Variants in SOX5 observed in about 807,000 individuals in gnomAD.
The protein encoded by SOX5 is transcription factor SOX-5.
In SOX5, 9 loss-of-function variants were observed where a neutral mutation model predicts 92.0. The ratio of observed to expected loss-of-function variants is 0.10; its 90% CI spans 0.06 to 0.17. SOX5 has a LOEUF of 0.17. Among genes scored for constraint, SOX5 ranks in the 10% least tolerant of loss-of-function variants. The pLI is 1.00. For synonymous variants in SOX5, 344 were observed against 336.3 expected, an observed-to-expected ratio of 1.02 and a Z score of -0.25; for missense variants, 642 against 944.5, an observed-to-expected ratio of 0.68 and a Z score of 4.20.
chr12:23,733,902 T>C (rs978952930), intron 6 of SOX5, among the ~76,000 whole-genome samples: 2 of 152,274 alleles, frequency 1.3e-5, no homozygotes, highest in Non-Finnish European at 2.9e-5. Flanking sequence ...TTGATAGTCA[T>C]AGCAAGTGAG....
intron 1 of SOX5, among the ~76,000 whole-genome samples, chr12:24,541,852 C>T: frequency 6.6e-6 from 1 of 152,050 alleles, no homozygotes; most frequent in East Asian, 1.9e-4. Context: ...AAAATTTAAA[C>T]TACGATAAAT....
At chr12:23,689,093 C>T (rs905857426) in intron 6 of SOX5, among the ~76,000 whole-genome samples, 4 of 152,060 alleles carry the variant, frequency 2.6e-5, no homozygotes, top group Non-Finnish European at 5.9e-5. Flanking sequence ...ACATATCTAA[C>T]GGTCACTACT....
intron 2 of SOX5, among the ~76,000 whole-genome samples, chr12:24,340,415 G>A (rs886278137): frequency 6.6e-6 from 1 of 152,206 alleles, no homozygotes; most frequent in Admixed American, 6.5e-5. Context: ...ATTCGAGACA[G>A]AGACCAGCTT....
chr12:24,405,320 T>C (rs79390792), intron 1 of SOX5, among the ~76,000 whole-genome samples: 2,153 of 152,302 alleles, frequency 0.014, 24 homozygotes, highest in Non-Finnish European at 0.025. Flanking sequence ...TGAAGTATTT[T>C]ATCTCATTTC....
intron 4 of SOX5, among the ~76,000 whole-genome samples, chr12:24,205,081 A>C (rs1594241669): frequency 6.6e-6 from 1 of 152,218 alleles, no homozygotes; most frequent in Non-Finnish European, 1.5e-5. Flanking sequence ...CAAATCAAGA[A>C]GATTTTGCAG....
intron 1 of SOX5, among the ~76,000 whole-genome samples, chr12:24,445,317 T>C (rs180672697): frequency 4.6e-5 from 7 of 152,302 alleles, no homozygotes; most frequent in Admixed American, 4.6e-4. Flanking sequence ...TGAGAACCTC[T>C]CTAATTTTAT....
chr12:23,818,977 A>G (rs1349710551), intron 3 of SOX5, among the ~76,000 whole-genome samples: 5 of 152,160 alleles, frequency 3.3e-5, no homozygotes, highest in African/African-American at 4.8e-5. Context: ...CTTCTGGAAT[A>G]CTTCTGAAAA....
At chr12:24,209,777 G>A (rs1475785888) in intron 4 of SOX5, among the ~76,000 whole-genome samples, 1 of 151,846 alleles carries the variant, frequency 6.6e-6, no homozygotes, top group Non-Finnish European at 1.5e-5. Context: ...CCAGCACTTT[G>A]GGAGGCCGAG....
intron 7 of SOX5, among the ~76,000 whole-genome samples, chr12:23,652,690 T>G (rs1236968910): frequency 6.6e-6 from 1 of 151,974 alleles, no homozygotes; most frequent in Non-Finnish European, 1.5e-5. Flanking sequence ...GTAACCTTGA[T>G]TTCTCCATCC....
chr12:23,608,842 G>A (rs1304694909), intron 8 of SOX5, among the ~76,000 whole-genome samples: 1 of 152,128 alleles, frequency 6.6e-6, no homozygotes, highest in East Asian at 1.9e-4. Context: ...AATACACAAA[G>A]TAAGAAACTA....
In SOX5 at chr12:23,543,236, G is replaced by A; in HGVS notation, c.1746C>T (p.His582=). The A allele has an allele frequency of 6.2e-7, 1 of 1,613,682 alleles. No individual in the cohort carries two copies. Among genetic ancestry groups the A allele is most frequent in the Non-Finnish European group, 8.5e-7 (1 of 1,179,708 alleles). The part of the protein sequence containing the change: ...RKILQAFPDM[H]NSNISKILGS... The stretch of plus-strand genomic sequence containing the variant: ...CCAATATCTTGCTGATGTTGGAGTT[G>A]TGCATGTCAGGAAAGGCTTGAAGGA... The change falls in exon 13 of 15, where the codon CAC becomes CAT. Residue 582 remains histidine, a synonymous_variant. Transcript: ENST00000451604.
chr12:24,025,108 G>A (rs375465066), intron 4 of SOX5, among the ~76,000 whole-genome samples: 1 of 151,952 alleles, frequency 6.6e-6, no homozygotes, highest in African/African-American at 2.4e-5. Context: ...CAAAACTGAC[G>A]ATGCTATTTT....
intron 3 of SOX5, among the ~76,000 whole-genome samples, chr12:24,264,060 G>A (rs1438594486): frequency 6.6e-6 from 1 of 152,100 alleles, no homozygotes; most frequent in African/African-American, 2.4e-5. Context: ...TAAATATACT[G>A]ACATGACTTT....
chr12:23,929,686 T>C (rs1158875339), intron 1 of SOX5, among the ~76,000 whole-genome samples: 1 of 151,984 alleles, frequency 6.6e-6, no homozygotes, highest in Non-Finnish European at 1.5e-5. Flanking sequence ...ATATAATCTA[T>C]ACTTTTACAA....
chr12:24,079,679 G>A (rs1435778115), intron 4 of SOX5, among the ~76,000 whole-genome samples: 1 of 151,740 alleles, frequency 6.6e-6, no homozygotes, highest in Non-Finnish European at 1.5e-5. Flanking sequence ...AATTAATATA[G>A]TATCAATATA....
At chr12:24,089,161 A>G (rs184439600) in intron 4 of SOX5, among the ~76,000 whole-genome samples, 2 of 152,242 alleles carry the variant, frequency 1.3e-5, no homozygotes, top group African/African-American at 4.8e-5. Context: ...TAGGAAGATA[A>G]GAGAAATATA....
intron 4 of SOX5, among the ~76,000 whole-genome samples, chr12:24,110,818 G>C (rs1022447123): frequency 6.8e-6 from 1 of 146,382 alleles, no homozygotes; most frequent in African/African-American, 2.5e-5. Flanking sequence ...GAAGGATGGC[G>C]TGAACCCAGG....
At chr12:23,758,380 T>C (rs2094463846) in intron 3 of SOX5, among the ~76,000 whole-genome samples, 1 of 146,470 alleles carries the variant, frequency 6.8e-6, no homozygotes, top group Non-Finnish European at 1.5e-5. Context: ...ATTGAGGTCT[T>C]GAACTAAGTT....
chr12:23,879,984 A>G (rs1394892633), intron 2 of SOX5, among the ~76,000 whole-genome samples: 1 of 152,182 alleles, frequency 6.6e-6, no homozygotes, highest in African/African-American at 2.4e-5. Context: ...ATTTCATGAT[A>G]ACAAAATAAC....
Sources: gnomAD v4.1 joint callset for allele counts (sites outside exome capture counted in the v4.1 genomes callset) on GRCh38, gnomAD v4.1.1 for gene constraint, MANE v1.5 for transcripts, NCBI Gene and HGNC (gene_info 2026-07-23, HGNC 2026-07-21) for gene names.